FAM118B: variants seen among roughly 807,000 people sequenced by gnomAD.
The protein encoded by FAM118B is protein FAM118B.
A neutral mutation model predicts 38.5 loss-of-function variants in FAM118B; 24 were observed. The observed-to-expected ratio is 0.62, with a 90% CI of 0.45 to 0.88. FAM118B has a LOEUF of 0.88. FAM118B is among the 40% of genes least tolerant of loss of function. FAM118B has a pLI of 0.00. For synonymous variants in FAM118B, 138 were observed against 156.3 expected (o/e 0.88, Z 0.87); for missense variants, 334 against 420.0 (o/e 0.80, Z 1.79).
At chr11:126,230,330 T>A (rs1006438440) in intron 2 of FAM118B, among the ~76,000 whole-genome samples, 52 of 152,232 alleles carry the variant, frequency 3.4e-4, no homozygotes, top group African/African-American at 1.2e-3. Flanking sequence ...ATCTTTCCCT[T>A]CCTCCCAAAT....
chr11:126,212,520 G>T (rs1418079524), intron 1 of FAM118B, among the ~76,000 whole-genome samples: 2 of 152,202 alleles, frequency 1.3e-5, no homozygotes, highest in Admixed American at 6.5e-5. Flanking sequence ...TGGCTGGGAA[G>T]ATAAACATCT....
In FAM118B at chr11:126,262,175, G is replaced by T; in HGVS notation, c.*42G>T. 1 of 1,605,146 alleles carries T rather than the reference G, an allele frequency of 6.2e-7. No individual in the cohort carries two copies. Among genetic ancestry groups the T allele is most frequent in the Non-Finnish European group, 8.5e-7 (1 of 1,171,986 alleles). On this transcript the variant is annotated 3_prime_UTR_variant, in exon 9 of 9. Transcript: ENST00000533050. ...ACCACCGTTTAGACCAAGCTGTAAG[G>T]CCCTACTACAGACAGTGTTTAACAA...
chr11:126,236,346 A>G (rs1950274310), intron 3 of FAM118B, among the ~76,000 whole-genome samples: 1 of 152,218 alleles, frequency 6.6e-6, no homozygotes, highest in Non-Finnish European at 1.5e-5. Flanking sequence ...TTGACTGAGT[A>G]TAGAATTTTT....
In FAM118B at chr11:126,255,072, G is replaced by A. The variant is rs985423589; in HGVS notation, c.696+639G>A. On this transcript the variant is annotated intron_variant, in intron 6 of 8. Coordinates refer to ENST00000533050, the MANE Select transcript of FAM118B (RefSeq NM_024556.4). The surrounding 1 kb of genome is among the most constrained non-coding windows in gnomAD (Gnocchi z 4.6). ...AGCCCTCTCTGTGTCAGAAATAATTGAGGCAGCTTCTTAACAAACCAACCA... is the reference window on the plus strand; with the variant it reads ...AGCCCTCTCTGTGTCAGAAATAATTAAGGCAGCTTCTTAACAAACCAACCA... 6.6e-6 allele frequency among the ~76,000 whole-genome samples: 1 copy of A among 152,124 alleles called. No homozygotes were observed. Among genetic ancestry groups the A allele is most frequent in the Non-Finnish European group, 1.5e-5 (1 of 68,020 alleles).
At chr11:126,236,660 C>G (rs1242082789) in intron 3 of FAM118B, among the ~76,000 whole-genome samples, 1 of 152,026 alleles carries the variant, frequency 6.6e-6, no homozygotes, top group Non-Finnish European at 1.5e-5. Context: ...TTGATACTTT[C>G]CATTACAATG....
At chr11:126,226,783 C>G (rs1439953648) in intron 1 of FAM118B, among the ~76,000 whole-genome samples, 1 of 151,926 alleles carries the variant, frequency 6.6e-6, no homozygotes, top group African/African-American at 2.4e-5. Context: ...GCGTTCAAGA[C>G]CAACCTGGAC....
chr11:126,247,040 C>T (rs1052997214), intron 4 of FAM118B, among the ~76,000 whole-genome samples: 1 of 152,174 alleles, frequency 6.6e-6, no homozygotes, highest in Non-Finnish European at 1.5e-5. Context: ...CGCCTGTGGT[C>T]CCACCTACAC....
chr11:126,214,236 C>G (rs1424954013), intron 1 of FAM118B: 1 of 151,722 alleles, frequency 6.6e-6, no homozygotes. Flanking sequence ...GCCTGTAATC[C>G]CAGCTACTCG....
At chr11:126,259,219 G>A (rs12804014) in intron 7 of FAM118B, among the ~76,000 whole-genome samples, 1 of 152,148 alleles carries the variant, frequency 6.6e-6, no homozygotes, top group East Asian at 1.9e-4. Flanking sequence ...AGAGGTTACA[G>A]GTCTTTTGCT....
chr11:126,249,659 G>A (rs1441650203), intron 4 of FAM118B, among the ~76,000 whole-genome samples: 2 of 151,224 alleles, frequency 1.3e-5, no homozygotes, highest in Non-Finnish European at 1.5e-5. Context: ...TGAACCTGGC[G>A]GGGCGGAGGT....
At chr11:126,222,861 A>G (rs1183839006) in intron 1 of FAM118B, among the ~76,000 whole-genome samples, 1 of 152,258 alleles carries the variant, frequency 6.6e-6, no homozygotes, top group Non-Finnish European at 1.5e-5. Context: ...TAAATAAATT[A>G]GACACTGTAC....
In FAM118B at chr11:126,244,127, C is replaced by A. The variant is rs1048790209; in HGVS notation, c.339+3083C>A. Among the ~76,000 whole-genome samples, 1 of 152,114 alleles carries A rather than the reference C, an allele frequency of 6.6e-6. No individual in the cohort carries two copies. Among genetic ancestry groups the A allele is most frequent in the Non-Finnish European group, 1.5e-5 (1 of 68,028 alleles). On this transcript the variant is annotated intron_variant, in intron 4 of 8. Coordinates refer to ENST00000533050, the MANE Select transcript of FAM118B (RefSeq NM_024556.4). The surrounding 1 kb of genome is among the most constrained non-coding windows in gnomAD (Gnocchi z 4.5). The stretch of plus-strand genomic sequence containing the variant: ...CGATAAAGACCGTATATGAAAAACT[C>A]ACAGTTAACATATTTAATGGTGAAA...
At chr11:126,220,160 T>G (rs1950045164) in intron 1 of FAM118B, among the ~76,000 whole-genome samples, 1 of 152,168 alleles carries the variant, frequency 6.6e-6, no homozygotes, top group Admixed American at 6.5e-5. Flanking sequence ...TTCTGCATAT[T>G]TCCTGCAGTG....
At position 126,250,454 on chromosome 11, in the gene FAM118B, T is replaced by C. The variant is rs994479532; in HGVS notation, c.340-52T>C. The C allele has an allele frequency of 7.8e-7, 1 of 1,284,662 alleles. No homozygotes were observed. The highest frequency in any genetic ancestry group is 1.8e-5 in the Admixed American group (1 of 54,488). The allele number at this position is 1,284,662 out of a possible 1,614,324, so 79.6% of individuals were successfully genotyped here. A position where few individuals can be genotyped will look rare whatever the true frequency, so the allele number is the denominator to read the frequency against. Reference sequence around the variant, plus strand: ...TTGTTACTGCTGTAACTAAAACAACTGACCTACCAAAGCACTTTGGACTAA... The same window carrying C: ...TTGTTACTGCTGTAACTAAAACAACCGACCTACCAAAGCACTTTGGACTAA... On this transcript the variant is annotated intron_variant, in intron 4 of 8. Coordinates refer to ENST00000533050, the MANE Select transcript of FAM118B (RefSeq NM_024556.4). The surrounding 1 kb of genome is among the most constrained non-coding windows in gnomAD (Gnocchi z 5.1).
rs566130795 is a variant in FAM118B, at chr11:126,256,054, C to T, written c.697-513C>T. ...GGGAGGCCAAGGTGGGTGGATCACT[C>T]GAGGTCGGGAGTACCAGACCAGCCT... On this transcript the variant is annotated intron_variant, in intron 6 of 8. Coordinates refer to ENST00000533050, the MANE Select transcript of FAM118B (RefSeq NM_024556.4). This position sits in a 1 kb window ranked among gnomAD's most constrained non-coding sequence, Gnocchi z 6.6. Among the ~76,000 whole-genome samples the T allele has an allele frequency of 2.6e-5, 4 of 151,506 alleles. No homozygotes were observed. The highest frequency in any genetic ancestry group is 5.9e-5 in the Non-Finnish European group (4 of 67,866).
At chr11:126,214,512 T>TTTTTTTTTTTTTTTTTC (rs1949951041) in intron 1 of FAM118B, 1 of 44,686 alleles carries the variant, frequency 2.2e-5, no homozygotes, top group Non-Finnish European at 4.8e-5. Context: ...TGTTTTTTTT[T>TTTTTTTTTTTTTTTTTC]TGTTTTTTTT....
At chr11:126,213,739 T>C (rs1196993095) in intron 1 of FAM118B, among the ~76,000 whole-genome samples, 1 of 152,234 alleles carries the variant, frequency 6.6e-6, no homozygotes, top group East Asian at 1.9e-4. Flanking sequence ...GTTGGCCTTC[T>C]GTGGCGGGAA....
At chr11:126,235,770 C>T (rs1950266631) in intron 3 of FAM118B, among the ~76,000 whole-genome samples, 1 of 151,736 alleles carries the variant, frequency 6.6e-6, no homozygotes, top group South Asian at 2.1e-4. Flanking sequence ...CCACCCGCCT[C>T]GGCCTCCCAA....
At chr11:126,230,476 A>G (rs1262686374) in intron 2 of FAM118B, among the ~76,000 whole-genome samples, 1 of 152,246 alleles carries the variant, frequency 6.6e-6, no homozygotes, top group Non-Finnish European at 1.5e-5. Flanking sequence ...TATTTATGCT[A>G]GAGAAATAAA....
Sources: allele counts gnomAD v4.1 joint callset (sites outside exome capture counted in the v4.1 genomes callset), GRCh38; gene constraint gnomAD v4.1.1; non-coding constraint Gnocchi (gnomAD v3.1); transcripts MANE v1.5; gene names NCBI Gene and HGNC (gene_info 2026-07-23, HGNC 2026-07-21).